STXBP5: variants seen among roughly 807,000 people sequenced by gnomAD.
STXBP5 encodes the protein syntaxin binding protein 5.
STXBP5 carries 50 observed loss-of-function variants against 152.4 expected under a neutral mutation model. The observed-to-expected ratio is 0.33, with a 90% CI of 0.26 to 0.42. The LOEUF (loss-of-function observed/expected upper bound fraction) is 0.42. STXBP5 is among the 10% of genes least tolerant of loss of function. The pLI is 1.00. For synonymous variants in STXBP5, 492 were observed against 494.7 expected (o/e 0.99, Z 0.07); for missense variants, 1,167 against 1,388.6 (o/e 0.84, Z 2.54).
intron 23 of STXBP5, among the ~76,000 whole-genome samples, chr6:147,362,053 TTAATA>T (rs1407780429): frequency 3.3e-5 from 5 of 152,146 alleles, no homozygotes; most frequent in Admixed American, 6.5e-5. Flanking sequence ...AACAAATACT[TTAATA>T]TAAGTGTGTC....
In STXBP5 at chr6:147,265,783, T is replaced by C. The variant is rs114661607; in HGVS notation, c.631-1301T>C. The stretch of plus-strand genomic sequence containing the variant: ...TTATAACATACCTGGCCCTGTGTGT[T>C]ACGTTAGAGGTATTGTGGTAAACAA... On this transcript the variant is annotated intron_variant, in intron 6 of 27. Transcript: ENST00000321680. Among the ~76,000 whole-genome samples the C allele has an allele frequency of 4.1e-3, 628 of 152,216 alleles. 7 individuals are homozygous for C. The highest frequency in any genetic ancestry group is 0.014 in the African/African-American group (564 of 41,560).
chr6:147,314,067 T>G, intron 12 of STXBP5, 36 bp downstream of exon 12: 1 of 1,533,018 alleles, frequency 6.5e-7, no homozygotes, highest in Non-Finnish European at 8.9e-7. Context: ...AATGTTATAT[T>G]TCTTATTTAT....
intron 7 of STXBP5, 146 bp from the exon 8 acceptor site, chr6:147,277,935 G>T (rs545943469): frequency 2.8e-5 from 18 of 650,934 alleles, no homozygotes; most frequent in Admixed American, 1.3e-4. Context: ...TTACAAGAGG[G>T]CCAAATTATT....
Position 147,204,502 on chromosome 6 carries a change from T to C in STXBP5, c.-31T>C, listed in dbSNP as rs955270307. ...GCCCGGGGACCCCCTGTGCCTCCCC[T>C]CCCGGGCTGCGGGGGAGCCCCTCCG... On this transcript the variant is annotated 5_prime_UTR_variant, in exon 1 of 28. Transcript: ENST00000321680. This position sits in a 1 kb window ranked among gnomAD's most constrained non-coding sequence, Gnocchi z 4.3. 3.1e-6 allele frequency: 5 copies of C among 1,607,292 alleles called. No individual in the cohort carries two copies. Among genetic ancestry groups the C allele is most frequent in the Non-Finnish European group, 4.2e-6 (5 of 1,178,024 alleles).
intron 9 of STXBP5, among the ~76,000 whole-genome samples, chr6:147,293,770 A>C (rs971630586): frequency 6.6e-6 from 1 of 152,204 alleles, no homozygotes; most frequent in Non-Finnish European, 1.5e-5. Flanking sequence ...CAAAACATGC[A>C]GTACTTTTTC....
intron 4 of STXBP5, among the ~76,000 whole-genome samples, chr6:147,256,207 G>C (rs1779354987): frequency 6.6e-6 from 1 of 152,178 alleles, no homozygotes; most frequent in Non-Finnish European, 1.5e-5. Context: ...CACTGCTGCT[G>C]CTCCATAAGT....
intron 4 of STXBP5, among the ~76,000 whole-genome samples, chr6:147,250,688 A>T (rs573201947): frequency 6.6e-6 from 1 of 152,032 alleles, no homozygotes; most frequent in South Asian, 2.1e-4. Context: ...TTCTTTGGTT[A>T]CTCTAGGACA....
chr6:147,345,485 C>A (rs772439996), intron 21 of STXBP5, among the ~76,000 whole-genome samples: 1 of 152,150 alleles, frequency 6.6e-6, no homozygotes, highest in Non-Finnish European at 1.5e-5. Context: ...AACACAAATA[C>A]ATTCCAACAT....
chr6:147,222,934 C>G (rs1323349208), intron 2 of STXBP5, among the ~76,000 whole-genome samples: 1 of 152,240 alleles, frequency 6.6e-6, no homozygotes, highest in African/African-American at 2.4e-5. Flanking sequence ...CAGGTTTTCA[C>G]AGAGGTTTGT....
At chr6:147,353,273 G>C in intron 21 of STXBP5, 50 bp from the exon 22 acceptor site, 1 of 1,222,274 alleles carries the variant, frequency 8.2e-7, no homozygotes, top group Middle Eastern at 2.1e-4. Flanking sequence ...GTTGATATTA[G>C]TATGAATCAA....
At chr6:147,286,250 A>G (rs1049738223) in intron 8 of STXBP5, among the ~76,000 whole-genome samples, 1 of 151,880 alleles carries the variant, frequency 6.6e-6, no homozygotes, top group African/African-American at 2.4e-5. Flanking sequence ...GTTCCTGTAA[A>G]TTGGGCTGCT....
In STXBP5 at chr6:147,204,630, G is replaced by C; in HGVS notation, c.98G>C (p.Arg33Pro). 1 of 1,610,460 alleles carries C rather than the reference G, an allele frequency of 6.2e-7. No individual in the cohort carries two copies. Among genetic ancestry groups the C allele is most frequent in the Non-Finnish European group, 8.5e-7 (1 of 1,178,202 alleles). The change falls in exon 1 of 28, where the codon CGG (arginine) becomes CCG (proline). Residue 33 changes from arginine (R) to proline (P), a missense_variant. Arg to Pro is a moderately radical substitution (Grantham distance 103, BLOSUM62 -2). Around this residue, in one of 3 missense-constraint regions of STXBP5, gnomAD observed 310 missense variants for 346.1 expected, o/e 0.90. Coordinates refer to ENST00000321680, the MANE Select transcript of STXBP5 (RefSeq NM_001127715.4). This position sits in a 1 kb window ranked among gnomAD's most constrained non-coding sequence, Gnocchi z 4.3. ...QQQQQHPPGN[R>P]EPEIQETLQS... ...CAGCAGCAGCATCCGCCTGGGAACC[G>C]GGAGCCGGAGATCCAGGAAACGCTC... is the stretch of plus-strand genomic sequence containing the variant.
At chr6:147,205,930 T>C (rs561912735) in intron 1 of STXBP5, 41 bp from the exon 2 acceptor site, 2 of 1,526,442 alleles carry the variant, frequency 1.3e-6, no homozygotes, top group African/African-American at 2.7e-5. Context: ...AAAATTTCGC[T>C]TGCTGCCTTG....
intron 3 of STXBP5, among the ~76,000 whole-genome samples, chr6:147,236,150 G>T (rs557950176): frequency 6.6e-6 from 1 of 152,266 alleles, no homozygotes; most frequent in East Asian, 1.9e-4. Flanking sequence ...TTTAAGAAAG[G>T]CATCATGGGT....
At chr6:147,349,833 T>C (rs1784509405) in intron 21 of STXBP5, among the ~76,000 whole-genome samples, 1 of 152,244 alleles carries the variant, frequency 6.6e-6, no homozygotes, top group African/African-American at 2.4e-5. Context: ...TCTGTACTCA[T>C]GGAAGGCCTT....
At chr6:147,253,903 C>T (rs543692300) in intron 4 of STXBP5, among the ~76,000 whole-genome samples, 11 of 152,222 alleles carry the variant, frequency 7.2e-5, no homozygotes, top group Non-Finnish European at 1.3e-4. Flanking sequence ...CTATCCCCAT[C>T]GAGCTACCAT....
chr6:147,205,819 A>G lies in STXBP5; in HGVS notation c.151-152A>G, dbSNP rs545700869. On this transcript the variant is annotated intron_variant, in intron 1 of 27. Coordinates refer to ENST00000321680, the MANE Select transcript of STXBP5 (RefSeq NM_001127715.4). ...TCTATGTGAATAACTTTGTTAATGT[A>G]GGTTTCACTTATTTTTTCAAAAGCA... 8 of 535,370 alleles carry G rather than the reference A, an allele frequency of 1.5e-5. No homozygotes were observed. The African/African-American group carries it at 1.5e-4, about 10-fold the overall frequency. The allele number at this position is 535,370 out of a possible 1,614,324, so 33.2% of individuals were successfully genotyped here. A position where few individuals can be genotyped will look rare whatever the true frequency, so the allele number is the denominator to read the frequency against.
At chr6:147,240,038 G>A (rs1308316335) in intron 4 of STXBP5, among the ~76,000 whole-genome samples, 2 of 151,790 alleles carry the variant, frequency 1.3e-5, no homozygotes, top group Admixed American at 6.6e-5. Flanking sequence ...TGCCCCCCAG[G>A]TTCAAGTGAT....
intron 18 of STXBP5, among the ~76,000 whole-genome samples, chr6:147,331,827 A>AAAAAAAAAAACT (rs1783589523): frequency 6.9e-6 from 1 of 144,858 alleles, no homozygotes. Flanking sequence ...AAAAAAAAAA[A>AAAAAAAAAAACT]CACACAAAAC....
Sources: allele counts gnomAD v4.1 joint callset (sites outside exome capture counted in the v4.1 genomes callset), GRCh38; gene constraint gnomAD v4.1.1; regional missense constraint gnomAD v4.1.1; non-coding constraint Gnocchi (gnomAD v3.1); transcripts MANE v1.5; gene names NCBI Gene and HGNC (gene_info 2026-07-23, HGNC 2026-07-21).